LINS1: variants seen among roughly 807,000 people sequenced by gnomAD.
The protein encoded by LINS1 is protein Lines homolog 1.
Under a neutral mutation model 41.6 loss-of-function variants are expected in LINS1, and 27 were observed. That is an observed-to-expected ratio of 0.65 (90% CI 0.48 to 0.89). The LOEUF (loss-of-function observed/expected upper bound fraction) is 0.89, where lower values mean the gene tolerates loss of function less well. Among genes scored for constraint, LINS1 ranks in the 40% least tolerant of loss-of-function variants. The pLI is 0.00. For missense variants in LINS1, 955 were observed against 884.1 expected, an observed-to-expected ratio of 1.08 and a Z score of -1.02; for synonymous variants, 336 against 312.9, an observed-to-expected ratio of 1.07 and a Z score of -0.78.
chr15:100,573,483 G>A, intron 5 of LINS1, 168 bp downstream of exon 5: 1 of 816,172 alleles, frequency 1.2e-6, no homozygotes, highest in Non-Finnish European at 1.8e-6. Context: ...TTTCTTAAAG[G>A]TAAATCCAGT....
chr15:100,586,963 A>G (rs560441436), intron 1 of LINS1, among the ~76,000 whole-genome samples: 278 of 152,098 alleles, frequency 1.8e-3, no homozygotes, highest in African/African-American at 6.5e-3. Flanking sequence ...GATCGAGACC[A>G]TCCTGGCCAA....
Position 100,573,978 on chromosome 15 carries a change from C to G in LINS1, c.895G>C (p.Val299Leu), listed in dbSNP as rs2038001938. 6.2e-7 allele frequency: 1 copy of G among 1,614,194 alleles called. No homozygotes were observed. The highest frequency in any genetic ancestry group is 8.5e-7 in the Non-Finnish European group (1 of 1,180,030). The change falls in exon 5 of 7, where the codon GTC (valine) becomes CTC (leucine). Residue 299 changes from valine (V) to leucine (L), a missense_variant. Transcript: ENST00000314742. ...WPIQAFVKRK[V>L]IIFLKKCLLC... Reference sequence around the variant, plus strand: ...AGGCACTTTTTGAGGAATATGATGACCTTCCTTTTAACAAAAGCCTGAATA... The same window carrying G: ...AGGCACTTTTTGAGGAATATGATGAGCTTCCTTTTAACAAAAGCCTGAATA...
intron 3 of LINS1, among the ~76,000 whole-genome samples, chr15:100,577,155 G>A (rs1051309726): frequency 6.6e-6 from 1 of 152,144 alleles, no homozygotes; most frequent in East Asian, 1.9e-4. Context: ...CTATTCAACA[G>A]AGTGTTGGAA....
intron 1 of LINS1, among the ~76,000 whole-genome samples, chr15:100,600,551 C>CAAAAAA (rs56911211): frequency 0.013 from 1,040 of 79,556 alleles, 194 homozygotes; most frequent in Non-Finnish European, 0.019. Context: ...TGCTGTTAAG[C>CAAAAAA]AAAAAAAAAA....
intron 4 of LINS1, 107 bp from the exon 5 acceptor site, chr15:100,574,348 T>C (rs774189663): frequency 1.3e-6 from 1 of 782,582 alleles, no homozygotes; most frequent in South Asian, 1.6e-5. Flanking sequence ...AAAACAGATT[T>C]GGAATGTTTA....
intron 3 of LINS1, among the ~76,000 whole-genome samples, chr15:100,578,614 T>C (rs2038333661): frequency 6.6e-6 from 1 of 152,240 alleles, no homozygotes; most frequent in African/African-American, 2.4e-5. Flanking sequence ...GAAGACAGTG[T>C]GGCGATTCCT....
chr15:100,580,769 C>G lies in LINS1; in HGVS notation c.74G>C (p.Ser25Thr), dbSNP rs776619489. Residue 25 changes from serine to threonine, a missense_variant, in exon 2 of 7, where the codon AGC (serine) becomes ACC (threonine). Transcript: ENST00000314742. ...VLLGATLENDSHDYIFYLNPA... is the reference protein window; with the variant it reads ...VLLGATLENDTHDYIFYLNPA... ...GTTGAGATAAAAGATGTAATCATGG[C>G]TGTCATTTTCAAGTGTGGCTCCAAG... 1 of 1,609,520 alleles carries G rather than the reference C, an allele frequency of 6.2e-7. No homozygotes were observed. The highest frequency in any genetic ancestry group is 1.7e-5 in the Admixed American group (1 of 59,666).
At chr15:100,579,820 A>C (rs915486962) in intron 3 of LINS1, among the ~76,000 whole-genome samples, 1 of 152,190 alleles carries the variant, frequency 6.6e-6, no homozygotes, top group Non-Finnish European at 1.5e-5. Context: ...TTTAGGGGGA[A>C]GGGGTCCACC....
chr15:100,598,774 G>T (rs1395834423), intron 1 of LINS1, among the ~76,000 whole-genome samples: 1 of 152,222 alleles, frequency 6.6e-6, no homozygotes, highest in African/African-American at 2.4e-5. Flanking sequence ...AAACTGTGCT[G>T]CATCTGTCTT....
chr15:100,577,505 T>A (rs1596907345), intron 3 of LINS1, among the ~76,000 whole-genome samples: 1 of 152,162 alleles, frequency 6.6e-6, no homozygotes. Context: ...TACAAACCAC[T>A]GCTCAACGAA....
At chr15:100,577,506 G>C (rs1015446215) in intron 3 of LINS1, among the ~76,000 whole-genome samples, 3 of 152,132 alleles carry the variant, frequency 2.0e-5, no homozygotes, top group Admixed American at 2.0e-4. Flanking sequence ...ACAAACCACT[G>C]CTCAACGAAG....
At chr15:100,583,086 G>A (rs1052783936) in intron 1 of LINS1, among the ~76,000 whole-genome samples, 25 of 151,466 alleles carry the variant, frequency 1.7e-4, no homozygotes, top group African/African-American at 5.8e-4. Flanking sequence ...CTACACTATG[G>A]CCTACTAGCC....
intron 3 of LINS1, among the ~76,000 whole-genome samples, chr15:100,577,619 A>G (rs1240252761): frequency 2.0e-5 from 3 of 152,246 alleles, no homozygotes; most frequent in Non-Finnish European, 2.9e-5. Flanking sequence ...TATAGATTCA[A>G]TGCCATCCCC....
chr15:100,598,423 A>G lies in LINS1; in HGVS notation c.-104+3698T>C, dbSNP rs192440870. On this transcript the variant is annotated intron_variant, in intron 1 of 6. Transcript: ENST00000314742. ...TAAATTATAATAAAAATGTAGTATC[A>G]AAGAATTATAAACAGTAGTATCCAT... Among the ~76,000 whole-genome samples the G allele has an allele frequency of 6.6e-5, 10 of 152,340 alleles. No homozygotes were observed. The East Asian group carries it at 1.5e-3, about 23-fold the overall frequency.
chr15:100,581,042 A>G, intron 1 of LINS1, 97 bp from the exon 2 acceptor site: 1 of 524,868 alleles, frequency 1.9e-6, no homozygotes, highest in East Asian at 3.0e-5. Context: ...TCTCAAGTTA[A>G]AGGGGATGCT....
intron 1 of LINS1, among the ~76,000 whole-genome samples, chr15:100,589,857 G>A (rs8025130): frequency 0.036 from 5,477 of 152,186 alleles, 289 homozygotes; most frequent in African/African-American, 0.12. Flanking sequence ...AAGTCATTAC[G>A]CCACAGTGTA....
At chr15:100,591,393 T>G (rs2039031574) in intron 1 of LINS1, among the ~76,000 whole-genome samples, 1 of 152,028 alleles carries the variant, frequency 6.6e-6, no homozygotes. Flanking sequence ...TAACTGAGAG[T>G]TGTGCTAAGG....
At chr15:100,582,005 C>T (rs2038567637) in intron 1 of LINS1, among the ~76,000 whole-genome samples, 1 of 152,250 alleles carries the variant, frequency 6.6e-6, no homozygotes, top group Admixed American at 6.5e-5. Flanking sequence ...AACAAAATTA[C>T]AGACTTCTCT....
At chr15:100,573,271 T>G in intron 5 of LINS1, 1 of 609,840 alleles carries the variant, frequency 1.6e-6, no homozygotes, top group Non-Finnish European at 2.1e-6. Flanking sequence ...CGAAGGGGGG[T>G]CAGGGCTGCA....
Sources: gnomAD v4.1 joint callset for allele counts (sites outside exome capture counted in the v4.1 genomes callset) on GRCh38, gnomAD v4.1.1 for gene constraint, MANE v1.5 for transcripts, NCBI Gene and HGNC (gene_info 2026-07-23, HGNC 2026-07-21) for gene names.